Variants in ABCB9 observed in about 807,000 individuals in gnomAD.
The protein encoded by ABCB9 is ATP binding cassette subfamily B member 9.
ABCB9 carries 36 observed loss-of-function variants against 62.0 expected under a neutral mutation model. The ratio of observed to expected loss-of-function variants is 0.58; its 90% CI spans 0.45 to 0.77. The LOEUF (loss-of-function observed/expected upper bound fraction) is 0.77, where lower values mean the gene tolerates loss of function less well. Among genes scored for constraint, ABCB9 ranks in the 30% least tolerant of loss-of-function variants. ABCB9 has a pLI of 0.00. For synonymous variants in ABCB9, 435 were observed against 461.4 expected (o/e 0.94, Z 0.73); for missense variants, 943 against 1,054.7 (o/e 0.89, Z 1.47).
At position 122,932,794 on chromosome 12, in the gene ABCB9, A is replaced by G. The variant is rs1566156318; in HGVS notation, c.1904-466T>C. Among the ~76,000 whole-genome samples, 4 of 152,194 alleles carry G rather than the reference A, an allele frequency of 2.6e-5. No homozygotes were observed. The highest frequency in any genetic ancestry group is 5.9e-5 in the Non-Finnish European group (4 of 68,036). ...CATGGACCGACTTCCTCCCATGCAC[A>G]ACAATATAGACACAGGTCACCTGTG... On this transcript the variant is annotated intron_variant, in intron 10 of 11. Coordinates refer to ENST00000280560, the MANE Select transcript of ABCB9 (RefSeq NM_019625.4). This position sits in a 1 kb window ranked among gnomAD's most constrained non-coding sequence, Gnocchi z 4.7.
In ABCB9 at chr12:122,932,247, G is replaced by A. The variant is rs2035212402; in HGVS notation, c.1985C>T (p.Pro662Leu). ...GGTGGCTTCATCCAGGATGAGGACTGGGGGGTTCCGCACCAGAGCCCGGGC... is the reference window on the plus strand; with the variant it reads ...GGTGGCTTCATCCAGGATGAGGACTAGGGGGTTCCGCACCAGAGCCCGGGC... ...AMARALVRNP[P>L]VLILDEATSA... Residue 662 changes from proline (P) to leucine (L), a missense_variant, in exon 11 of 12, where the codon CCA (proline) becomes CTA (leucine). By Grantham distance (98) the Pro-to-Leu change is moderately conservative. Transcript: ENST00000280560. The surrounding 1 kb of genome is among the most constrained non-coding windows in gnomAD (Gnocchi z 4.7). 6.4e-7 allele frequency: 1 copy of A among 1,551,988 alleles called. No individual in the cohort carries two copies. The highest frequency in any genetic ancestry group is 8.7e-7 in the Non-Finnish European group (1 of 1,147,436).
Position 122,940,733 on chromosome 12 carries a change from TG to T in ABCB9, c.1569+73del. On this transcript the variant is annotated intron_variant, in intron 8 of 11. Transcript: ENST00000280560. The surrounding 1 kb of genome is among the most constrained non-coding windows in gnomAD (Gnocchi z 4.8). ...TATTCCCAGCTGCCCTGCCACAGCC[TG>T]GTGTATAGGAGGTGCACCAGAAATG... The T allele has an allele frequency of 1.4e-5, 20 of 1,455,524 alleles. No individual in the cohort carries two copies. Among genetic ancestry groups the T allele is most frequent in the Non-Finnish European group, 1.7e-5 (19 of 1,092,866 alleles). 90.2% of individuals were successfully genotyped at this position (1,455,524 alleles called of 1,614,324 possible).
upstream of ABCB9, among the ~76,000 whole-genome samples, chr12:122,967,324 C>T (rs1256608329): frequency 6.6e-6 from 1 of 152,206 alleles, no homozygotes; most frequent in African/African-American, 2.4e-5. Flanking sequence ...GAGGAACATC[C>T]TACGCTAAGG....
chr12:122,924,504 A>T, downstream of ABCB9: 2 of 876,706 alleles, frequency 2.3e-6, no homozygotes, highest in Non-Finnish European at 1.5e-6. Flanking sequence ...AGCTGGAATT[A>T]CAGACATGGG....
intron 6 of ABCB9, among the ~76,000 whole-genome samples, chr12:122,945,453 A>T (rs2035982504): frequency 6.6e-6 from 1 of 151,920 alleles, no homozygotes. Context: ...GTGACATGAG[A>T]CCTGCCCGAA....
chr12:122,969,573 A>T (rs2037247673), upstream of ABCB9, among the ~76,000 whole-genome samples: 1 of 152,072 alleles, frequency 6.6e-6, no homozygotes, highest in Non-Finnish European at 1.5e-5. Context: ...CAGTTGCTAC[A>T]AACAATTTAA....
chr12:122,940,910 A>G lies in ABCB9; in HGVS notation c.1466T>C (p.Met489Thr). The change falls in exon 8 of 12, where the codon ATG becomes ACG. Residue 489 changes from methionine to threonine, a missense_variant. Coordinates refer to ENST00000280560, the MANE Select transcript of ABCB9 (RefSeq NM_019625.4). The surrounding 1 kb of genome is among the most constrained non-coding windows in gnomAD (Gnocchi z 4.8). ...VFEFIDRQPTMVHDGSLAPDH... is the reference protein window; with the variant it reads ...VFEFIDRQPTTVHDGSLAPDH... ...GGGGGCCAAGCTGCCATCGTGCACC[A>G]TGGTCGGCTGCCGGTCGATGAACTC... 1 of 1,612,446 alleles carries G rather than the reference A, an allele frequency of 6.2e-7. No homozygotes were observed. Among genetic ancestry groups the G allele is most frequent in the Non-Finnish European group, 8.5e-7 (1 of 1,179,396 alleles).
chr12:122,941,128 C>T, intron 7 of ABCB9, 133 bp from the exon 8 acceptor site: 1 of 878,270 alleles, frequency 1.1e-6, no homozygotes, highest in Non-Finnish European at 1.7e-6. Context: ...CACCTGACCA[C>T]CCACTGGTGC....
chr12:122,937,372 GAAAAGA>G (rs1282265317), intron 9 of ABCB9, among the ~76,000 whole-genome samples: 21 of 148,936 alleles, frequency 1.4e-4, no homozygotes, highest in Admixed American at 1.1e-3. Flanking sequence ...AAAAAAAAAA[GAAAAGA>G]AAAAGTACAT....
chr12:122,962,601 A>G (rs2036965560), intron 1 of ABCB9, among the ~76,000 whole-genome samples: 1 of 152,182 alleles, frequency 6.6e-6, no homozygotes. Context: ...CCAGACATTC[A>G]GCCAACAAGG....
intron 2 of ABCB9, among the ~76,000 whole-genome samples, chr12:122,956,135 G>GA (rs912300328): frequency 1.5e-3 from 230 of 152,356 alleles, no homozygotes; most frequent in African/African-American, 5.0e-3. Context: ...TGAGCCAGGA[G>GA]AAACTGCCTG....
intron 11 of ABCB9, among the ~76,000 whole-genome samples, chr12:122,922,501 T>A (rs550806801): frequency 2.0e-5 from 3 of 151,914 alleles, no homozygotes; most frequent in South Asian, 4.2e-4. Flanking sequence ...TGCCTCAGCT[T>A]CCCGAGTAGC....
rs548262950 is a variant in ABCB9 at position 122,929,965 on chromosome 12, T to C, written c.2247A>G (p.Ala749=). The C allele has an allele frequency of 3.8e-6, 6 of 1,578,454 alleles. No individual in the cohort carries two copies. The highest frequency in any genetic ancestry group is 5.2e-6 in the Non-Finnish European group (6 of 1,165,014). Residue 749 remains alanine (A), a synonymous_variant, in exon 12 of 12, where the codon GCA becomes GCG. Transcript: ENST00000280560. The surrounding 1 kb of genome is among the most constrained non-coding windows in gnomAD (Gnocchi z 6.0). ...QRQMLGLQPA[A]DFTAGHNEPV... ...GCTCGTTGTGGCCAGCTGTGAAGTC[T>C]GCGGCGGGCTGAAGCCCCAGCATCT...
In ABCB9 at chr12:122,929,182, A is replaced by AG; in HGVS notation, c.*728dup. 3.7e-6 allele frequency: 2 copies of AG among 543,748 alleles called. No homozygotes were observed. The highest frequency in any genetic ancestry group is 4.5e-6 in the Non-Finnish European group (2 of 442,658). 33.7% of individuals were successfully genotyped at this position (543,748 alleles called of 1,614,324 possible). A position where few individuals can be genotyped will look rare whatever the true frequency, so the allele number is the denominator to read the frequency against. On this transcript the variant is annotated 3_prime_UTR_variant, in exon 12 of 12. Transcript: ENST00000280560. The surrounding 1 kb of genome is among the most constrained non-coding windows in gnomAD (Gnocchi z 6.0). ...GGTGTGGGGAGGGAGGCTGCCAGCC[A>AG]GGGGTGGGTGGACGAGGGGCGAAAG...
At chr12:122,961,010 G>A (rs2036865704) in intron 1 of ABCB9, among the ~76,000 whole-genome samples, 1 of 151,814 alleles carries the variant, frequency 6.6e-6, no homozygotes, top group South Asian at 2.1e-4. Context: ...GCCACAGTGA[G>A]CTATGATCAT....
chr12:122,933,890 A>G (rs1488896949), intron 10 of ABCB9, among the ~76,000 whole-genome samples: 1 of 152,136 alleles, frequency 6.6e-6, no homozygotes, highest in Non-Finnish European at 1.5e-5. Context: ...TCACTTTTTT[A>G]AAGAGAGAAC....
At chr12:122,920,750 C>A (rs868867697), downstream of ABCB9, among the ~76,000 whole-genome samples, 29 of 142,646 alleles carry the variant, frequency 2.0e-4, no homozygotes, top group African/African-American at 6.1e-4. Flanking sequence ...ACAAAAAATA[C>A]AAAAAAAAAA....
chr12:122,940,832 G>C lies in ABCB9; in HGVS notation c.1544C>G (p.Thr515Ser). Residue 515 changes from threonine (T) to serine (S), a missense_variant, in exon 8 of 12, where the codon ACT (threonine) becomes AGT (serine). Transcript: ENST00000280560. The surrounding 1 kb of genome is among the most constrained non-coding windows in gnomAD (Gnocchi z 4.8). The stretch of plus-strand genomic sequence containing the variant: ...CTGCAGGACCTGGGTGTGGGGCCGA[G>C]TGCGGTAGGTGAAGGTCACATTCTC... ...DFENVTFTYR[T>S]RPHTQVLQNV... is the part of the protein sequence containing the mutation. The C allele has an allele frequency of 6.2e-7, 1 of 1,602,368 alleles. No individual in the cohort carries two copies. The highest frequency in any genetic ancestry group is 8.5e-7 in the Non-Finnish European group (1 of 1,171,602).
Position 122,932,801 on chromosome 12 carries a change from T to C in ABCB9, c.1904-473A>G, listed in dbSNP as rs1181578870. 6.6e-6 allele frequency among the ~76,000 whole-genome samples: 1 copy of C among 152,128 alleles called. No individual in the cohort carries two copies. The highest frequency in any genetic ancestry group is 1.5e-5 in the Non-Finnish European group (1 of 68,018). Reference sequence around the variant, plus strand: ...CGACTTCCTCCCATGCACAACAATATAGACACAGGTCACCTGTGACCCACA... The same window carrying C: ...CGACTTCCTCCCATGCACAACAATACAGACACAGGTCACCTGTGACCCACA... On this transcript the variant is annotated intron_variant, in intron 10 of 11. Coordinates refer to ENST00000280560, the MANE Select transcript of ABCB9 (RefSeq NM_019625.4). This position sits in a 1 kb window ranked among gnomAD's most constrained non-coding sequence, Gnocchi z 4.7.
Sources: gnomAD v4.1 joint callset for allele counts (sites outside exome capture counted in the v4.1 genomes callset) on GRCh38, gnomAD v4.1.1 for gene constraint, Gnocchi (gnomAD v3.1) non-coding constraint, MANE v1.5 for transcripts, NCBI Gene and HGNC (gene_info 2026-07-23, HGNC 2026-07-21) for gene names.